The following GNG7 variants were observed in gnomAD, a reference collection of about 807,000 sequenced individuals.
GNG7 encodes the protein G protein subunit gamma 7, also known as guanine nucleotide-binding protein G(I)/G(S)/G(O) subunit gamma-7.
GNG7 carries 1 observed loss-of-function variant against 4.0 expected under a neutral mutation model. The observed-to-expected ratio is 0.25, with a 90% confidence interval of 0.09 to 1.18. GNG7 has a LOEUF of 1.18. GNG7 is among the 50% of genes most tolerant of loss of function. GNG7 has a pLI of 0.50. For missense variants in GNG7, 86 were observed against 91.9 expected, an observed-to-expected ratio of 0.94 and a Z score of 0.26; for synonymous variants, 34 against 36.9, an observed-to-expected ratio of 0.92 and a Z score of 0.29.
At chr19:2,657,851 GAA>G (rs1983036514) in intron 1 of GNG7, among the ~76,000 whole-genome samples, 2 of 152,174 alleles carry the variant, frequency 1.3e-5, no homozygotes, top group Admixed American at 1.3e-4. Context: ...CAGAATTAGT[GAA>G]AGTACTAAAA....
At chr19:2,693,744 T>C (rs1011697062) in intron 1 of GNG7, among the ~76,000 whole-genome samples, 9 of 152,104 alleles carry the variant, frequency 5.9e-5, no homozygotes, top group African/African-American at 1.2e-4. Flanking sequence ...CAGTGTCCCC[T>C]GAAGGCCAGA....
chr19:2,671,222 T>C (rs1176613366), intron 1 of GNG7, among the ~76,000 whole-genome samples: 1 of 151,734 alleles, frequency 6.6e-6, no homozygotes, highest in African/African-American at 2.4e-5. Context: ...TACCCAACTA[T>C]GTTTAAAACT....
At position 2,512,967 on chromosome 19, in the gene GNG7, C is replaced by T. The variant is rs1339657951; in HGVS notation, c.*2055G>A. The stretch of plus-strand genomic sequence containing the variant: ...ACAGGAGGCTGCAGTCTCCGGGAGC[C>T]TCTGGGGCTCTCCCGGGCCAACAGC... On this transcript the variant is annotated 3_prime_UTR_variant, in exon 5 of 5. Coordinates refer to ENST00000382159, the MANE Select transcript of GNG7 (RefSeq NM_052847.3). The surrounding 1 kb of genome is among the most constrained non-coding windows in gnomAD (Gnocchi z 4.7). 4 of 985,348 alleles carry T rather than the reference C, an allele frequency of 4.1e-6. No individual in the cohort carries two copies. Among genetic ancestry groups the T allele is most frequent in the Non-Finnish European group, 4.8e-6 (4 of 829,964 alleles). 61.0% of individuals were successfully genotyped at this position (985,348 alleles called of 1,614,324 possible).
chr19:2,627,331 C>T (rs1223599440), intron 2 of GNG7, among the ~76,000 whole-genome samples: 5 of 152,170 alleles, frequency 3.3e-5, no homozygotes, highest in African/African-American at 1.2e-4. Context: ...GAACGATCCA[C>T]CTCACATGTT....
intron 2 of GNG7, among the ~76,000 whole-genome samples, chr19:2,584,611 GGGAAGGAAGGAGGAAGGAA>G (rs1980591516): frequency 7.6e-6 from 1 of 131,012 alleles, no homozygotes. Flanking sequence ...GAGAGAGAGA[GGGAAGGAAGGAGGAAGGAA>G]GGAAGGAAGG....
intron 2 of GNG7, among the ~76,000 whole-genome samples, chr19:2,573,887 G>A (rs72974881): frequency 0.085 from 12,989 of 152,202 alleles, 806 homozygotes; most frequent in African/African-American, 0.17. Flanking sequence ...TTTCCCTCCC[G>A]TGGTCATATG....
intron 1 of GNG7, among the ~76,000 whole-genome samples, chr19:2,649,363 C>T (rs1267276231): frequency 1.7e-5 from 2 of 116,022 alleles, no homozygotes. Context: ...GAGGCGGATA[C>T]ATTCAGTGTA....
intron 2 of GNG7, among the ~76,000 whole-genome samples, chr19:2,567,054 G>A (rs1284458161): frequency 1.3e-5 from 2 of 150,062 alleles, no homozygotes; most frequent in South Asian, 2.1e-4. Context: ...GCAGTGAGCC[G>A]AGATCGCGCC....
intron 1 of GNG7, among the ~76,000 whole-genome samples, chr19:2,696,302 GAAAGAA>G (rs1913251018): frequency 1.8e-5 from 2 of 111,130 alleles, no homozygotes; most frequent in South Asian, 5.2e-4. Context: ...GAGAAAGAAA[GAAAGAA>G]AGAAAGAAAG....
At chr19:2,541,175 A>G (rs2144747654) in intron 3 of GNG7, among the ~76,000 whole-genome samples, 1 of 152,320 alleles carries the variant, frequency 6.6e-6, no homozygotes, top group Non-Finnish European at 1.5e-5. Context: ...GACCCTGTTA[A>G]AAGAGGCTGA....
At chr19:2,531,029 G>C (rs1978565089) in intron 3 of GNG7, among the ~76,000 whole-genome samples, 1 of 152,170 alleles carries the variant, frequency 6.6e-6, no homozygotes, top group Non-Finnish European at 1.5e-5. Context: ...GTCACAGCTG[G>C]GCACAGTGGC....
chr19:2,688,628 A>G (rs779344535), intron 1 of GNG7, among the ~76,000 whole-genome samples: 30 of 152,310 alleles, frequency 2.0e-4, no homozygotes, highest in Admixed American at 1.9e-3. Context: ...GGTAACGAAC[A>G]TCTAAGACAT....
At chr19:2,683,581 G>A (rs1318702495) in intron 1 of GNG7, 1 of 152,310 alleles carries the variant, frequency 6.6e-6, no homozygotes, top group Non-Finnish European at 1.5e-5. Context: ...ACTGGCAGTG[G>A]GGAGGCGGGT....
rs1555694476 is a variant in GNG7, at chr19:2,568,312, C to CAT, written c.-77-13125_-77-13124insAT. ...ACATATACACACGCACACACATACA[C>CAT]ACGCACACACACATATACACACATA... On this transcript the variant is annotated intron_variant, in intron 2 of 4. Coordinates refer to ENST00000382159, the MANE Select transcript of GNG7 (RefSeq NM_052847.3). 3.9e-4 allele frequency among the ~76,000 whole-genome samples: 59 copies of CAT among 150,380 alleles called. 1 individual carries two copies. The highest frequency in any genetic ancestry group is 7.0e-3 in the Middle Eastern group (2 of 286).
At chr19:2,562,020 C>A (rs886538782) in intron 2 of GNG7, among the ~76,000 whole-genome samples, 24 of 152,234 alleles carry the variant, frequency 1.6e-4, no homozygotes, top group Admixed American at 4.6e-4. Context: ...GCAGGCTCTT[C>A]TGGGAGACCA....
At chr19:2,526,828 T>C (rs1043527098) in intron 3 of GNG7, among the ~76,000 whole-genome samples, 50 of 151,534 alleles carry the variant, frequency 3.3e-4, no homozygotes, top group African/African-American at 9.9e-4. Context: ...CTGTTATAGG[T>C]TTATTGAATA....
intron 1 of GNG7, among the ~76,000 whole-genome samples, chr19:2,699,147 CTTTTT>C (rs371884402): frequency 3.9e-5 from 5 of 128,494 alleles, no homozygotes; most frequent in African/African-American, 1.5e-4. Flanking sequence ...AAGGAGTAGC[CTTTTT>C]TTTTTTTTTT....
intron 1 of GNG7, among the ~76,000 whole-genome samples, chr19:2,686,284 A>G (rs1983869229): frequency 6.6e-6 from 1 of 151,892 alleles, no homozygotes; most frequent in Non-Finnish European, 1.5e-5. Flanking sequence ...CAGCCTCCCG[A>G]GTAGCTGGGA....
chr19:2,586,205 G>C lies in GNG7; in HGVS notation c.-77-31017C>G, dbSNP rs1045805254. ...TCTTGCAGCCGTCTTGATGGGGTGA[G>C]ATCGGGGAGGATCAAGAGCTCCCAC... On this transcript the variant is annotated intron_variant, in intron 2 of 4. Transcript: ENST00000382159. 3.4e-3 allele frequency among the ~76,000 whole-genome samples: 522 copies of C among 152,318 alleles called. 2 individuals carry two copies. The highest frequency in any genetic ancestry group is 0.012 in the African/African-American group (515 of 41,568).
Sources: allele counts gnomAD v4.1 joint callset (sites outside exome capture counted in the v4.1 genomes callset), GRCh38; gene constraint gnomAD v4.1.1; non-coding constraint Gnocchi (gnomAD v3.1); transcripts MANE v1.5; gene names NCBI Gene and HGNC (gene_info 2026-07-23, HGNC 2026-07-21).